ARHGEF1: variants seen among roughly 807,000 people sequenced by gnomAD.
ARHGEF1 encodes 115 kDa guanine nucleotide exchange factor.
In ARHGEF1, 40 loss-of-function variants were observed where a neutral mutation model predicts 119.7. The ratio of observed to expected loss-of-function variants is 0.33; its 90% CI spans 0.26 to 0.44. The LOEUF is 0.44. Ranked by LOEUF, ARHGEF1 falls within the 20% of genes least tolerant of loss-of-function variation. The pLI is 1.00. For synonymous variants in ARHGEF1, 494 were observed against 521.0 expected (o/e 0.95, Z 0.71); for missense variants, 976 against 1,268.3 (o/e 0.77, Z 3.50).
chr19:41,903,372 G>A lies in ARHGEF1; in HGVS notation c.1804G>A (p.Val602Ile), dbSNP rs1555849459. Residue 602 changes from valine to isoleucine, a missense_variant, in exon 19 of 29, where the codon GTC becomes ATC. Physicochemically the swap from Val to Ile is conservative, Grantham distance 29. Coordinates refer to ENST00000354532, the MANE Select transcript of ARHGEF1 (RefSeq NM_004706.4). The surrounding 1 kb of genome is among the most constrained non-coding windows in gnomAD (Gnocchi z 4.2). ...GTGCTGCCGGGAAATTCTACACCACGTCAACCAAGCCGTGCGTGACATGGA... is the reference window on the plus strand; with the variant it reads ...GTGCTGCCGGGAAATTCTACACCACATCAACCAAGCCGTGCGTGACATGGA... The part of the protein sequence containing the change: ...AECCREILHH[V>I]NQAVRDMEDL... 5 of 1,613,932 alleles carry A rather than the reference G, an allele frequency of 3.1e-6. No homozygotes were observed. Among genetic ancestry groups the A allele is most frequent in the Non-Finnish European group, 4.2e-6 (5 of 1,180,038 alleles).
rs897262762 is a variant in ARHGEF1 at position 41,902,381 on chromosome 19, C to T, written c.1497+25C>T. The T allele has an allele frequency of 3.1e-6, 5 of 1,613,766 alleles. No homozygotes were observed. The highest frequency in any genetic ancestry group is 4.2e-6 in the Non-Finnish European group (5 of 1,179,846). On this transcript the variant is annotated intron_variant, in intron 16 of 28. Coordinates refer to ENST00000354532, the MANE Select transcript of ARHGEF1 (RefSeq NM_004706.4). This position sits in a 1 kb window ranked among gnomAD's most constrained non-coding sequence, Gnocchi z 6.5. ...GGTGAGATGCCCAGCCCTCCCGCTCCTCCCAGCTAGACACATGGAATTCAG... is the reference window on the plus strand; with the variant it reads ...GGTGAGATGCCCAGCCCTCCCGCTCTTCCCAGCTAGACACATGGAATTCAG...
At chr19:41,896,277 G>C (rs189510461) in intron 12 of ARHGEF1, 100 bp from the exon 13 acceptor site, 1 of 542,360 alleles carries the variant, frequency 1.8e-6, no homozygotes, top group Admixed American at 3.6e-5. Context: ...GTGTCTGCCA[G>C]GCACTGGGTA....
In ARHGEF1 at chr19:41,888,058, C is replaced by T; in HGVS notation, c.-19-6C>T. Reference sequence around the variant, plus strand: ...CTCCTAACCACAGCCCCTCCTCTTCCTCCAGCCCTGCAGAGCCCAGGGAGA... The same window carrying T: ...CTCCTAACCACAGCCCCTCCTCTTCTTCCAGCCCTGCAGAGCCCAGGGAGA... On this transcript the variant is annotated splice_region_variant and splice_polypyrimidine_tract_variant and intron_variant, in intron 1 of 28. Transcript: ENST00000354532. This position sits in a 1 kb window ranked among gnomAD's most constrained non-coding sequence, Gnocchi z 5.1. 1 of 1,611,992 alleles carries T rather than the reference C, an allele frequency of 6.2e-7. No individual in the cohort carries two copies. The highest frequency in any genetic ancestry group is 8.5e-7 in the Non-Finnish European group (1 of 1,179,622).
chr19:41,899,293 A>G (rs1405486632), intron 14 of ARHGEF1, among the ~76,000 whole-genome samples: 3 of 152,078 alleles, frequency 2.0e-5, no homozygotes, highest in African/African-American at 4.8e-5. Context: ...CCAGTCAAGG[A>G]AGAGCATTTT....
At position 41,903,443 on chromosome 19, in the gene ARHGEF1, A is replaced by G; in HGVS notation, c.1839+36A>G. The stretch of plus-strand genomic sequence containing the variant: ...GCTGGCCCCACACCCGGGACAGTGG[A>G]TGGTGTGAGAGCAGGGGGTGGACCC... On this transcript the variant is annotated intron_variant, in intron 19 of 28. Transcript: ENST00000354532. This position sits in a 1 kb window ranked among gnomAD's most constrained non-coding sequence, Gnocchi z 4.2. 6.3e-7 allele frequency: 1 copy of G among 1,591,750 alleles called. No homozygotes were observed. The highest frequency in any genetic ancestry group is 2.2e-5 in the East Asian group (1 of 44,674).
intron 2 of ARHGEF1, chr19:41,929,040 C>G (rs1226379048): frequency 2.6e-6 from 1 of 384,198 alleles, no homozygotes; most frequent in Non-Finnish European, 5.4e-6. Context: ...GAGAGACAGA[C>G]ACAGACACAC....
downstream of ARHGEF1, chr19:41,910,163 G>A: frequency 2.0e-6 from 3 of 1,479,344 alleles, no homozygotes; most frequent in Admixed American, 4.2e-5. This position sits in a 1 kb window ranked among gnomAD's most constrained non-coding sequence, Gnocchi z 4.4. Context: ...GGGTCCTGCT[G>A]GACTCAGTAA....
At chr19:41,915,886 G>A (rs544129368) in intron 18 of ARHGEF1, among the ~76,000 whole-genome samples, 25 of 152,276 alleles carry the variant, frequency 1.6e-4, no homozygotes, top group Non-Finnish European at 2.6e-4. Flanking sequence ...ATGGACAAAC[G>A]GCCCCAGCCC....
rs1555846298 is a variant in ARHGEF1, at chr19:41,892,105, C to G, written c.306C>G (p.Ser102Arg). 6.2e-7 allele frequency: 1 copy of G among 1,613,090 alleles called. No homozygotes were observed. Among genetic ancestry groups the G allele is most frequent in the Non-Finnish European group, 8.5e-7 (1 of 1,179,388 alleles). The part of the protein sequence containing the change: ...AKKAFLDFYH[S>R]FLEKTAVLRV... ...AGGCCTTCCTGGACTTCTACCACAG[C>G]TTCCTGGAGAAGACAGCGGTGAGAG... The change falls in exon 5 of 29, where the codon AGC (serine) becomes AGG (arginine). Residue 102 changes from serine (S) to arginine (R), a missense_variant. By Grantham distance (110) the Ser-to-Arg change is moderately radical. This residue lies in a region of ARHGEF1 where 519 missense variants were observed against 580.9 expected (regional missense o/e 0.89). Coordinates refer to ENST00000354532, the MANE Select transcript of ARHGEF1 (RefSeq NM_004706.4). The surrounding 1 kb of genome is among the most constrained non-coding windows in gnomAD (Gnocchi z 6.3).
chr19:41,920,931 G>T (rs1555852429), upstream of ARHGEF1, among the ~76,000 whole-genome samples: 1 of 152,222 alleles, frequency 6.6e-6, no homozygotes, highest in East Asian at 1.9e-4. Flanking sequence ...CTCTGTCTCT[G>T]TCTCTGCCTC....
chr19:41,906,715 G>A lies in ARHGEF1; in HGVS notation c.2668G>A (p.Glu890Lys). The A allele has an allele frequency of 6.2e-7, 1 of 1,608,756 alleles. No homozygotes were observed. The highest frequency in any genetic ancestry group is 1.7e-5 in the Admixed American group (1 of 58,668). The change falls in exon 28 of 29, where the codon GAA becomes AAA. Residue 890 changes from glutamate (E) to lysine (K), a missense_variant. By Grantham distance (56) the Glu-to-Lys change is moderately conservative. Around this residue, in one of 3 missense-constraint regions of ARHGEF1, gnomAD observed 171 missense variants for 180.6 expected, o/e 0.95. Coordinates refer to ENST00000354532, the MANE Select transcript of ARHGEF1 (RefSeq NM_004706.4). The surrounding 1 kb of genome is among the most constrained non-coding windows in gnomAD (Gnocchi z 4.5). Reference sequence around the variant, plus strand: ...CCCACCCCACCAGGAGTTGGAGGAGGAATTTTGCCGCCTGAGACCCCTCCT... The same window carrying A: ...CCCACCCCACCAGGAGTTGGAGGAGAAATTTTGCCGCCTGAGACCCCTCCT... ...TMKQLEELEE[E>K]FCRLRPLLSQ...
At chr19:41,896,330 G>GT in intron 12 of ARHGEF1, 47 bp from the exon 13 acceptor site, 2 of 1,113,608 alleles carry the variant, frequency 1.8e-6, no homozygotes, top group South Asian at 2.3e-5. Flanking sequence ...TGTGGGTCTC[G>GT]TGGCCGCAGA....
At chr19:41,912,120 G>T, downstream of ARHGEF1, among the ~76,000 whole-genome samples, 1 of 152,184 alleles carries the variant, frequency 6.6e-6, no homozygotes, top group East Asian at 1.9e-4. Flanking sequence ...CCCAAAATGC[G>T]GACACGCCCA....
At chr19:41,912,865 G>A in intron 18 of ARHGEF1, 2 of 1,230,250 alleles carry the variant, frequency 1.6e-6, no homozygotes, top group South Asian at 4.1e-5. Context: ...GGGGTCCAGA[G>A]AGCCGGCAGG....
chr19:41,899,526 T>A lies in ARHGEF1; in HGVS notation c.1267+939T>A, dbSNP rs911707176. Among the ~76,000 whole-genome samples, 32 of 137,714 alleles carry A rather than the reference T, an allele frequency of 2.3e-4. 1 individual carries two copies. The East Asian group carries it at 5.4e-3, about 23-fold the overall frequency. The allele number at this position is 137,714 out of a possible 152,430, so 90.3% of individuals were successfully genotyped here. A position where few individuals can be genotyped will look rare whatever the true frequency, so the allele number is the denominator to read the frequency against. On this transcript the variant is annotated intron_variant, in intron 14 of 28. Transcript: ENST00000354532. ...AAAGCTTTTTTTTTTTTTTTTTTTT[T>A]AAGACAGAGTTTTGCTCTTGTTGCC...
rs201158983 is a variant in ARHGEF1, at chr19:41,898,524, G to C, written c.1204G>C (p.Val402Leu). Residue 402 changes from valine to leucine, a missense_variant, in exon 14 of 29, where the codon GTC (valine) becomes CTC (leucine). By Grantham distance (32) the Val-to-Leu change is conservative. Coordinates refer to ENST00000354532, the MANE Select transcript of ARHGEF1 (RefSeq NM_004706.4). ...AGAGCCTCCCGGCTGGCGGGAACTC[G>C]TCCCCCCAGACACCCTGCACAGCCT... is the stretch of plus-strand genomic sequence containing the variant. Reference protein sequence around the residue: ...PEEPPGWRELVPPDTLHSLPK... With the variant: ...PEEPPGWRELLPPDTLHSLPK... 1.3e-6 allele frequency: 2 copies of C among 1,563,068 alleles called. No individual in the cohort carries two copies. Among genetic ancestry groups the C allele is most frequent in the Non-Finnish European group, 1.7e-6 (2 of 1,154,104 alleles).
chr19:41,904,306 C>G lies in ARHGEF1; in HGVS notation c.2084C>G (p.Thr695Arg). Residue 695 changes from threonine (T) to arginine (R), a missense_variant, in exon 22 of 29, where the codon ACG becomes AGG. By Grantham distance (71) the Thr-to-Arg change is moderately conservative. Around this residue, in one of 3 missense-constraint regions of ARHGEF1, gnomAD observed 286 missense variants for 506.8 expected, o/e 0.56. Coordinates refer to ENST00000354532, the MANE Select transcript of ARHGEF1 (RefSeq NM_004706.4). This position sits in a 1 kb window ranked among gnomAD's most constrained non-coding sequence, Gnocchi z 8.4. Reference sequence around the variant, plus strand: ...CTCAAGTCCCATAGCCGGACACTGACGCCCACGCCCGATGGCAAGACCATG... The same window carrying G: ...CTCAAGTCCCATAGCCGGACACTGAGGCCCACGCCCGATGGCAAGACCATG... ...LLLKSHSRTLTPTPDGKTMLR... is the reference protein window; with the variant it reads ...LLLKSHSRTLRPTPDGKTMLR... 6.2e-7 allele frequency: 1 copy of G among 1,610,452 alleles called. No homozygotes were observed. Among genetic ancestry groups the G allele is most frequent in the Non-Finnish European group, 8.5e-7 (1 of 1,179,284 alleles).
chr19:41,899,240 C>A (rs1207576345), intron 14 of ARHGEF1, among the ~76,000 whole-genome samples: 1 of 152,134 alleles, frequency 6.6e-6, no homozygotes, highest in African/African-American at 2.4e-5. Context: ...CCTCCTACCT[C>A]AGCCTCCCAA....
In ARHGEF1 at chr19:41,892,155, A is replaced by T; in HGVS notation, c.324+32A>T. The T allele has an allele frequency of 6.3e-7, 1 of 1,597,574 alleles. No individual in the cohort carries two copies. The highest frequency in any genetic ancestry group is 8.6e-7 in the Non-Finnish European group (1 of 1,167,744). On this transcript the variant is annotated intron_variant, in intron 5 of 28. Coordinates refer to ENST00000354532, the MANE Select transcript of ARHGEF1 (RefSeq NM_004706.4). This position sits in a 1 kb window ranked among gnomAD's most constrained non-coding sequence, Gnocchi z 6.3. The stretch of plus-strand genomic sequence containing the variant: ...GACCTTCAAGCTGCCCCAACCCTGC[A>T]ATCCCTGTTTGGGCCTGCAGAGTCA...
Sources: allele counts gnomAD v4.1 joint callset (sites outside exome capture counted in the v4.1 genomes callset), GRCh38; gene constraint gnomAD v4.1.1; regional missense constraint gnomAD v4.1.1; non-coding constraint Gnocchi (gnomAD v3.1); transcripts MANE v1.5; gene names NCBI Gene and HGNC (gene_info 2026-07-23, HGNC 2026-07-21).